The following KLHL12 variants were observed in gnomAD, a reference collection of about 807,000 sequenced individuals.
The protein encoded by KLHL12 is kelch-like protein 12.
A neutral mutation model predicts 60.8 loss-of-function variants in KLHL12; 17 were observed. The observed-to-expected ratio is 0.28, with a 90% CI of 0.19 to 0.42. The LOEUF (loss-of-function observed/expected upper bound fraction) is 0.42, where lower values mean the gene tolerates loss of function less well. Ranked by LOEUF, KLHL12 falls within the 10% of genes least tolerant of loss-of-function variation. KLHL12 has a pLI of 1.00. For missense variants in KLHL12, 468 were observed against 722.3 expected (o/e 0.65, Z 4.04); for synonymous variants, 220 against 250.9 (o/e 0.88, Z 1.16).
intron 4 of KLHL12, among the ~76,000 whole-genome samples, chr1:202,916,767 C>A (rs1448659267): frequency 1.3e-5 from 2 of 152,122 alleles, no homozygotes; most frequent in African/African-American, 4.8e-5. Context: ...TTGCTTGAGC[C>A]TAGCAGTTCA....
At chr1:202,928,241 C>G (rs1244924956), upstream of KLHL12, among the ~76,000 whole-genome samples, 1 of 145,720 alleles carries the variant, frequency 6.9e-6, no homozygotes, top group Non-Finnish European at 1.5e-5. Context: ...CGCCACTGTA[C>G]TCCAGCCTGG....
chr1:202,909,861 C>A lies in KLHL12; in HGVS notation c.718-737G>T, dbSNP rs1204871207. Among the ~76,000 whole-genome samples the A allele has an allele frequency of 6.6e-6, 1 of 152,296 alleles. No homozygotes were observed. The highest frequency in any genetic ancestry group is 1.9e-4 in the East Asian group (1 of 5,190). ...TTAGGGGTTGTTAATAGCTTATGTC[C>A]TAGATCCAGGTTATTTCACTGTCTT... On this transcript the variant is annotated intron_variant, in intron 5 of 11. Transcript: ENST00000367261. The surrounding 1 kb of genome is among the most constrained non-coding windows in gnomAD (Gnocchi z 4.1).
chr1:202,914,072 G>C (rs1158189216), intron 4 of KLHL12, among the ~76,000 whole-genome samples: 2 of 152,202 alleles, frequency 1.3e-5, no homozygotes, highest in South Asian at 2.1e-4. Flanking sequence ...GAGGGTGATA[G>C]AGGAGTAAAA....
chr1:202,919,999 A>T (rs571141478), intron 2 of KLHL12, 91 bp from the exon 3 acceptor site: 3 of 1,131,476 alleles, frequency 2.7e-6, no homozygotes, highest in Non-Finnish European at 3.9e-6. Flanking sequence ...GATGTTAATA[A>T]TATTAATTGA....
intron 6 of KLHL12, among the ~76,000 whole-genome samples, chr1:202,897,959 C>A (rs1302842900): frequency 6.6e-6 from 1 of 152,198 alleles, no homozygotes; most frequent in Non-Finnish European, 1.5e-5. Flanking sequence ...CACCAGGCAA[C>A]AAAAGACTAG....
chr1:202,916,923 T>C (rs1196676797), intron 4 of KLHL12, among the ~76,000 whole-genome samples: 1 of 143,452 alleles, frequency 7.0e-6, no homozygotes, highest in Non-Finnish European at 1.5e-5. Flanking sequence ...CAGTGAGCCA[T>C]AATTGCATCA....
At position 202,918,350 on chromosome 1, in the gene KLHL12, A is replaced by G. The variant is rs530463333; in HGVS notation, c.388T>C (p.Leu130=). 3.5e-5 allele frequency: 56 copies of G among 1,614,158 alleles called. No homozygotes were observed. The East Asian group carries it at 4.2e-4, about 12-fold the overall frequency. The part of the protein sequence containing the change: ...QACCEFLESQ[L]DPSNCLGIRD... ...ATACCCAGGCAATTAGAAGGGTCCA[A>G]CTGACTTTCTAAGAACTCACAGCAG... is the stretch of plus-strand genomic sequence containing the variant. The change falls in exon 4 of 12, where the codon TTG becomes CTG. Residue 130 remains leucine, a synonymous_variant. Transcript: ENST00000367261.
Position 202,896,808 on chromosome 1 carries a change from AG to A in KLHL12, c.939+45del, listed in dbSNP as rs1363862128. The stretch of plus-strand genomic sequence containing the variant: ...AGCTATGATCTGGAGGCAGAGACTG[AG>A]GACATTTAACATCCCTCCCAACGAA... On this transcript the variant is annotated intron_variant, in intron 7 of 11. Coordinates refer to ENST00000367261, the MANE Select transcript of KLHL12 (RefSeq NM_021633.4). 2.9e-6 allele frequency: 4 copies of A among 1,375,188 alleles called. No individual in the cohort carries two copies. In the African/African-American group the frequency reaches 5.7e-5, roughly 20 times the overall value. The allele number at this position is 1,375,188 out of a possible 1,614,324, so 85.2% of individuals were successfully genotyped here. A position where few individuals can be genotyped will look rare whatever the true frequency, so the allele number is the denominator to read the frequency against.
chr1:202,892,251 T>C lies in KLHL12; in HGVS notation c.*282A>G, dbSNP rs949679754. 1 of 369,720 alleles carries C rather than the reference T, an allele frequency of 2.7e-6. No individual in the cohort carries two copies. Among genetic ancestry groups the C allele is most frequent in the African/African-American group, 2.1e-5 (1 of 48,488 alleles). 22.9% of individuals were successfully genotyped at this position (369,720 alleles called of 1,614,324 possible). On this transcript the variant is annotated 3_prime_UTR_variant, in exon 12 of 12. Transcript: ENST00000367261. ...CACCAAGCATGTGGTAAGTTAGAAA[T>C]GACAGGAAAGTGCTCCCCAAAGCAG...
intron 4 of KLHL12, among the ~76,000 whole-genome samples, chr1:202,916,401 CTCAG>C (rs1393720818): frequency 2.0e-5 from 3 of 152,232 alleles, no homozygotes; most frequent in Admixed American, 1.3e-4. Context: ...CACTTATAAT[CTCAG>C]CATTTTAGGA....
chr1:202,920,253 G>A (rs1480200490), intron 2 of KLHL12, among the ~76,000 whole-genome samples: 1 of 151,716 alleles, frequency 6.6e-6, no homozygotes, highest in Non-Finnish European at 1.5e-5. Flanking sequence ...GGCGAAGGTT[G>A]CAGAGAGCCA....
In KLHL12 at chr1:202,894,229, T is replaced by C. The variant is rs778473697; in HGVS notation, c.1348A>G (p.Thr450Ala). Residue 450 changes from threonine to alanine, a missense_variant, in exon 10 of 12, where the codon ACA becomes GCA. Transcript: ENST00000367261. The part of the protein sequence containing the change: ...LNSVEKYDPH[T>A]GHWTNVTPMA... The stretch of plus-strand genomic sequence containing the variant: ...GGTGTAACATTAGTCCAATGTCCTG[T>C]ATGAGGGTCGTATTTCTCAACTGAA... 2.4e-5 allele frequency: 38 copies of C among 1,558,272 alleles called. No homozygotes were observed. Among genetic ancestry groups the C allele is most frequent in the Non-Finnish European group, 3.3e-5 (38 of 1,149,882 alleles).
rs1018839106 is a variant in KLHL12, at chr1:202,895,021, C to T, written c.1136-272G>A. On this transcript the variant is annotated intron_variant, in intron 8 of 11. Coordinates refer to ENST00000367261, the MANE Select transcript of KLHL12 (RefSeq NM_021633.4). The surrounding 1 kb of genome is among the most constrained non-coding windows in gnomAD (Gnocchi z 4.2). Reference sequence around the variant, plus strand: ...ACCCAGCACATTGGAACTTGATTTGCCAACTTTGTAGTCAATAATGAAACA... The same window carrying T: ...ACCCAGCACATTGGAACTTGATTTGTCAACTTTGTAGTCAATAATGAAACA... Among the ~76,000 whole-genome samples the T allele has an allele frequency of 9.9e-5, 15 of 152,160 alleles. No individual in the cohort carries two copies. The highest frequency in any genetic ancestry group is 3.6e-4 in the African/African-American group (15 of 41,434).
In KLHL12 at chr1:202,927,218, T is replaced by TGGAGCCGTCCGGGTCTGGCCCC; in HGVS notation, c.-176_-175insGGGGCCAGACCCGGACGGCTCC. On this transcript the variant is annotated 5_prime_UTR_variant, in exon 1 of 12. Transcript: ENST00000367261. Reference sequence around the variant, plus strand: ...CCAGACCCGGAGGCTCTGGAGGCTCTGGAGCCGTCCGGGTCTGGCCCCTGC... The same window carrying TGGAGCCGTCCGGGTCTGGCCCC: ...CCAGACCCGGAGGCTCTGGAGGCTCTGGAGCCGTCCGGGTCTGGCCCCGGAGCCGTCCGGGTCTGGCCCCTGC... 1 of 985,178 alleles carries TGGAGCCGTCCGGGTCTGGCCCC rather than the reference T, an allele frequency of 1.0e-6. No homozygotes were observed. The highest frequency in any genetic ancestry group is 1.2e-6 in the Non-Finnish European group (1 of 829,862). The allele number at this position is 985,178 out of a possible 1,614,324, so 61.0% of individuals were successfully genotyped here.
intron 6 of KLHL12, among the ~76,000 whole-genome samples, chr1:202,903,055 G>A (rs1167664187): frequency 6.6e-6 from 1 of 150,944 alleles, no homozygotes; most frequent in Non-Finnish European, 1.5e-5. Context: ...CAGCTACTGA[G>A]GAGGCTGAGG....
intron 10 of KLHL12, 114 bp downstream of exon 10, chr1:202,894,070 G>A (rs755150140): frequency 1.7e-6 from 1 of 604,788 alleles, no homozygotes; most frequent in East Asian, 2.9e-5. Flanking sequence ...GAGACAAGGA[G>A]GAGAGCAGAA....
chr1:202,907,050 T>C (rs1263756467), intron 6 of KLHL12, among the ~76,000 whole-genome samples: 6 of 152,198 alleles, frequency 3.9e-5, no homozygotes, highest in African/African-American at 9.7e-5. Flanking sequence ...AATATTCTCA[T>C]AGTTTTTCAC....
intron 11 of KLHL12, among the ~76,000 whole-genome samples, chr1:202,892,872 C>T (rs762421379): frequency 2.0e-5 from 3 of 152,042 alleles, no homozygotes; most frequent in Non-Finnish European, 2.9e-5. Context: ...CCACACAAGT[C>T]CTTCATTAAG....
intron 11 of KLHL12, 133 bp from the exon 12 acceptor site, chr1:202,892,792 G>T (rs1659718026): frequency 1.2e-5 from 10 of 807,532 alleles, no homozygotes; most frequent in Non-Finnish European, 1.9e-5. Context: ...ACCAGCCTGG[G>T]CAACATGGTG....
Sources: gnomAD v4.1 joint callset for allele counts (sites outside exome capture counted in the v4.1 genomes callset) on GRCh38, gnomAD v4.1.1 for gene constraint, Gnocchi (gnomAD v3.1) non-coding constraint, MANE v1.5 for transcripts, NCBI Gene and HGNC (gene_info 2026-07-23, HGNC 2026-07-21) for gene names.